The following FLACC1 variants were observed in gnomAD, a reference collection of about 807,000 sequenced individuals.
The protein encoded by FLACC1 is flagellum associated containing coiled-coil domains 1, also known as flagellum-associated coiled-coil domain-containing protein 1.
Under a neutral mutation model 62.8 loss-of-function variants are expected in FLACC1, and 66 were observed. That is an observed-to-expected ratio of 1.05 (90% CI 0.86 to 1.29). FLACC1 has a LOEUF of 1.29. FLACC1 is among the 50% of genes most tolerant of loss of function. The probability of loss-of-function intolerance (pLI) is 0.00; values close to 1 mark genes in which losing one functional copy is unlikely to be tolerated. For missense variants in FLACC1, 452 were observed against 489.1 expected (o/e 0.92, Z 0.71); for synonymous variants, 156 against 161.0 (o/e 0.97, Z 0.24).
chr2:201,351,237 G>T, intron 2 of FLACC1, 55 bp downstream of exon 2: 1 of 1,403,742 alleles, frequency 7.1e-7, no homozygotes, highest in Non-Finnish European at 1.0e-6. Context: ...AGAGAAATGA[G>T]GCTACAAATG....
At chr2:201,360,212 T>C (rs921390559), upstream of FLACC1, among the ~76,000 whole-genome samples, 2 of 152,246 alleles carry the variant, frequency 1.3e-5, no homozygotes, top group Non-Finnish European at 2.9e-5. Flanking sequence ...GGGGAAGTGC[T>C]GGCATTCTCA....
At chr2:201,317,794 A>G (rs148862981) in intron 9 of FLACC1, among the ~76,000 whole-genome samples, 49 of 152,244 alleles carry the variant, frequency 3.2e-4, no homozygotes, top group Non-Finnish European at 6.5e-4. Flanking sequence ...AAAAATCAAA[A>G]AGCAAAAAAC....
chr2:201,306,917 A>C (rs1243802711), intron 11 of FLACC1, among the ~76,000 whole-genome samples: 1 of 152,248 alleles, frequency 6.6e-6, no homozygotes, highest in East Asian at 1.9e-4. Context: ...TGAATGGACC[A>C]ATAAGCATAT....
At chr2:201,289,371 G>T in intron 14 of FLACC1, 86 bp downstream of exon 14, 1 of 1,269,788 alleles carries the variant, frequency 7.9e-7, no homozygotes, top group Non-Finnish European at 1.1e-6. Flanking sequence ...GGAGCAGTTG[G>T]TCTATCTTCC....
At position 201,333,667 on chromosome 2, in the gene FLACC1, T is replaced by G. The variant is rs1950637962; in HGVS notation, c.525-2834A>C. Among the ~76,000 whole-genome samples the G allele has an allele frequency of 2.6e-5, 4 of 151,718 alleles. No homozygotes were observed. The South Asian group carries it at 8.3e-4, about 32-fold the overall frequency. On this transcript the variant is annotated intron_variant, in intron 7 of 14. Transcript: ENST00000392257. ...AGAACATGCAGTGTTTGGTTTTTTG[T>G]CCTTGCGATAGTTTGCTGAGAATGA...
intron 11 of FLACC1, among the ~76,000 whole-genome samples, chr2:201,302,890 A>G (rs1950016510): frequency 6.6e-6 from 1 of 152,260 alleles, no homozygotes; most frequent in South Asian, 2.1e-4. Context: ...AATGAGAACA[A>G]AGACACAACA....
chr2:201,342,691 C>A lies in FLACC1; in HGVS notation c.463-260G>T, dbSNP rs538101253. On this transcript the variant is annotated intron_variant, in intron 6 of 14. Transcript: ENST00000392257. ...AATGTTGGTGCATCTCTTTCACTGA[C>A]TATTTTTTTTGGGTAGGTCTGGTCT... Among the ~76,000 whole-genome samples the A allele has an allele frequency of 2.6e-5, 4 of 152,332 alleles. 1 individual carries two copies. In the South Asian group the frequency reaches 8.3e-4, roughly 32 times the overall value.
chr2:201,348,343 A>G, intron 3 of FLACC1, 41 bp from the exon 4 acceptor site: 1 of 1,603,196 alleles, frequency 6.2e-7, no homozygotes, highest in South Asian at 1.1e-5. Context: ...CCAGACAGCA[A>G]AGAGAAGTTC....
upstream of FLACC1, among the ~76,000 whole-genome samples, chr2:201,362,202 TTTGTGAAA>T (rs1403581227): frequency 6.6e-6 from 1 of 152,208 alleles, no homozygotes; most frequent in Non-Finnish European, 1.5e-5. Flanking sequence ...CTAGTAGTCA[TTTGTGAAA>T]GAAAACACAA....
At position 201,288,845 on chromosome 2, in the gene FLACC1, T is replaced by A; in HGVS notation, c.1143-64A>T. 3 of 1,573,970 alleles carry A rather than the reference T, an allele frequency of 1.9e-6. No individual in the cohort carries two copies. In the South Asian group the frequency reaches 3.4e-5, roughly 18 times the overall value. On this transcript the variant is annotated intron_variant, in intron 14 of 14. Transcript: ENST00000392257. ...AAAGCTAGAAAGGGTATAGGATATT[T>A]GGAGTGCAGGGAGAGAAATGTGCCT...
chr2:201,307,701 G>C, intron 10 of FLACC1, 79 bp from the exon 11 acceptor site: 1 of 1,057,684 alleles, frequency 9.5e-7, no homozygotes, highest in East Asian at 2.4e-5. Flanking sequence ...AATATCTAAA[G>C]ATAAAAGCAA....
chr2:201,302,048 A>G (rs1377679564), intron 11 of FLACC1, among the ~76,000 whole-genome samples: 1 of 152,192 alleles, frequency 6.6e-6, no homozygotes, highest in African/African-American at 2.4e-5. Context: ...ATAACCAGGT[A>G]ACATCATATC....
intron 11 of FLACC1, among the ~76,000 whole-genome samples, chr2:201,303,924 G>A (rs527248304): frequency 5.9e-5 from 9 of 152,220 alleles, no homozygotes; most frequent in African/African-American, 9.6e-5. Flanking sequence ...TTGATGGGAC[G>A]TATCTCAAAA....
intron 12 of FLACC1, among the ~76,000 whole-genome samples, chr2:201,291,610 T>C (rs897583123): frequency 3.3e-5 from 5 of 152,124 alleles, no homozygotes; most frequent in Non-Finnish European, 7.4e-5. Flanking sequence ...ATTCTAAAAA[T>C]CAGAGTGCCT....
chr2:201,288,754 T>G lies in FLACC1; in HGVS notation c.1170A>C (p.Glu390Asp). 6.2e-7 allele frequency: 1 copy of G among 1,613,884 alleles called. No homozygotes were observed. ...ATCTCCCAGAACATCCTTCACAAAT[T>G]TCTTCATTCTTAGAAATTATCTTTT... ...LKQKIISKNE[E>D]ICEGCSGRLA... is the part of the protein sequence containing the mutation. The change falls in exon 15 of 15, where the codon GAA becomes GAC. Residue 390 changes from glutamate to aspartate, a missense_variant. Coordinates refer to ENST00000392257, the MANE Select transcript of FLACC1 (RefSeq NM_001127391.3).
chr2:201,316,953 T>G (rs1312360426), intron 9 of FLACC1, among the ~76,000 whole-genome samples: 3 of 152,136 alleles, frequency 2.0e-5, no homozygotes, highest in Non-Finnish European at 2.9e-5. Flanking sequence ...AAAAATCACA[T>G]GATCATTTCA....
At chr2:201,362,785 AGCAGTGTG>A in the FLACC1 span, among the ~76,000 whole-genome samples, 1 of 152,222 alleles carries the variant, frequency 6.6e-6, no homozygotes, top group Admixed American at 6.5e-5. Context: ...TTGGTGACCT[AGCAGTGTG>A]GCCACACAGG....
Position 201,356,020 on chromosome 2 carries a change from A to C in FLACC1, c.-48+962T>G, listed in dbSNP as rs529669894. ...GAGATCTCACTCCCACCTCCATGCC[A>C]GGCATTAACCCCTTAGTTGCTGAAT... On this transcript the variant is annotated intron_variant, in intron 1 of 14. Coordinates refer to ENST00000392257, the MANE Select transcript of FLACC1 (RefSeq NM_001127391.3). 1.2e-3 allele frequency among the ~76,000 whole-genome samples: 190 copies of C among 152,314 alleles called. 1 individual carries two copies. Among genetic ancestry groups the C allele is most frequent in the African/African-American group, 4.4e-3 (185 of 41,576 alleles).
intron 9 of FLACC1, among the ~76,000 whole-genome samples, chr2:201,315,892 A>G (rs188005216): frequency 4.6e-5 from 7 of 152,328 alleles, no homozygotes; most frequent in Admixed American, 3.9e-4. Flanking sequence ...ATCAACTCCA[A>G]AAGGAATGTT....
Sources: allele counts gnomAD v4.1 joint callset (sites outside exome capture counted in the v4.1 genomes callset), GRCh38; gene constraint gnomAD v4.1.1; transcripts MANE v1.5; gene names NCBI Gene and HGNC (gene_info 2026-07-23, HGNC 2026-07-21).